The following ANGEL1 variants were observed in gnomAD, a reference collection of about 807,000 sequenced individuals.
ANGEL1 encodes angel homolog 1.
A neutral mutation model predicts 76.4 loss-of-function variants in ANGEL1; 62 were observed. That is an observed-to-expected ratio of 0.81 (90% CI 0.66 to 1.00). ANGEL1 has a LOEUF of 1.00. Among genes scored for constraint, ANGEL1 ranks in the 50% least tolerant of loss-of-function variants. The probability of loss-of-function intolerance (pLI) is 0.00; values close to 1 mark genes in which losing one functional copy is unlikely to be tolerated. For synonymous variants in ANGEL1, 340 were observed against 331.7 expected, an observed-to-expected ratio of 1.03 and a Z score of -0.27; for missense variants, 737 against 836.7, an observed-to-expected ratio of 0.88 and a Z score of 1.47.
rs1894818116 is a variant in ANGEL1 at position 76,803,284 on chromosome 14, T to C, written c.1618+87A>G. The C allele has an allele frequency of 4.6e-6, 5 of 1,088,506 alleles. No homozygotes were observed. In the East Asian group the frequency reaches 1.2e-4, roughly 26 times the overall value. The allele number at this position is 1,088,506 out of a possible 1,614,324, so 67.4% of individuals were successfully genotyped here. A position where few individuals can be genotyped will look rare whatever the true frequency, so the allele number is the denominator to read the frequency against. On this transcript the variant is annotated intron_variant, in intron 7 of 9. Transcript: ENST00000251089. ...AGAAGCTAATCTCTAAGAATTATAC[T>C]TAGAAAAGAGCAGGAAACCACATAA...
chr14:76,803,563 A>G, intron 6 of ANGEL1, 82 bp from the exon 7 acceptor site: 1 of 1,432,078 alleles, frequency 7.0e-7, no homozygotes, highest in Non-Finnish European at 9.8e-7. Context: ...AGCAACTTCC[A>G]GCATAGGTAC....
intron 5 of ANGEL1, chr14:76,804,217 C>T: frequency 2.8e-6 from 4 of 1,404,520 alleles, no homozygotes; most frequent in Non-Finnish European, 3.7e-6. Flanking sequence ...CAATACAATT[C>T]TCCTCCACAG....
At chr14:76,800,167 AT>A (rs1894719325) in intron 7 of ANGEL1, among the ~76,000 whole-genome samples, 1 of 152,266 alleles carries the variant, frequency 6.6e-6, no homozygotes, top group East Asian at 1.9e-4. Flanking sequence ...TTTTGTTACT[AT>A]TTATTTTATG....
Position 76,809,504 on chromosome 14 carries a change from C to T in ANGEL1, c.204G>A (p.Gly68=), listed in dbSNP as rs760941106. 5 of 1,614,264 alleles carry T rather than the reference C, an allele frequency of 3.1e-6. No individual in the cohort carries two copies. Among genetic ancestry groups the T allele is most frequent in the Non-Finnish European group, 4.2e-6 (5 of 1,180,050 alleles). ...EGLLQQWREE[G]LSQVLSTASE... ...TTGCAGTTGAGAGCACCTGGCTCAA[C>T]CCTTCTTCTCGCCACTGCTGCAGCA... The change falls in exon 2 of 10, where the codon GGG becomes GGA. Residue 68 remains glycine (G), a synonymous_variant. Coordinates refer to ENST00000251089, the MANE Select transcript of ANGEL1 (RefSeq NM_015305.4).
At chr14:76,805,012 A>AAAT (rs1894875075) in intron 5 of ANGEL1, among the ~76,000 whole-genome samples, 2 of 146,958 alleles carry the variant, frequency 1.4e-5, no homozygotes, top group Admixed American at 6.7e-5. Flanking sequence ...TCTGTCTCAA[A>AAAT]AAATAAATAA....
rs1489960299 is a variant in ANGEL1, at chr14:76,786,159, TTTC to T, written c.*3066_*3068del. On this transcript the variant is annotated 3_prime_UTR_variant, in exon 10 of 10. Coordinates refer to ENST00000251089, the MANE Select transcript of ANGEL1 (RefSeq NM_015305.4). ...CCTAGCTGAGTTTTCTTTCTTTTCT[TTTC>T]TTTTCTTTTTTTTTTTTTGAGATGG... is the stretch of plus-strand genomic sequence containing the variant. The T allele has an allele frequency of 4.0e-5, 6 of 148,460 alleles. No homozygotes were observed. Among genetic ancestry groups the T allele is most frequent in the Admixed American group, 3.4e-4 (5 of 14,902 alleles). The allele number at this position is 148,460 out of a possible 1,614,324, so 9.2% of individuals were successfully genotyped here. A position where few individuals can be genotyped will look rare whatever the true frequency, so the allele number is the denominator to read the frequency against.
At chr14:76,812,587 CGTGGG>C in intron 1 of ANGEL1, 172 bp downstream of exon 1, 1 of 1,274,440 alleles carries the variant, frequency 7.8e-7, no homozygotes, top group South Asian at 2.5e-5. Context: ...GTCCAGGCCT[CGTGGG>C]GTCAGGAGGG....
chr14:76,797,256 T>C (rs957452771), intron 7 of ANGEL1, among the ~76,000 whole-genome samples: 8 of 152,204 alleles, frequency 5.3e-5, no homozygotes, highest in African/African-American at 1.9e-4. Context: ...ATGTTAGTTG[T>C]AGGCTTGTTA....
In ANGEL1 at chr14:76,807,945, C is replaced by A; in HGVS notation, c.853G>T (p.Glu285Ter). 6.2e-7 allele frequency: 1 copy of A among 1,614,050 alleles called. No individual in the cohort carries two copies. The highest frequency in any genetic ancestry group is 8.5e-7 in the Non-Finnish European group (1 of 1,180,036). Residue 285 changes from glutamate (E) to a stop codon, truncating the protein, a stop_gained, in exon 3 of 10, where the codon GAA becomes TAA. Coordinates refer to ENST00000251089, the MANE Select transcript of ANGEL1 (RefSeq NM_015305.4). LOFTEE classifies it high-confidence loss of function. Reference protein sequence around the residue: ...WNYRFVNLMQEFQHWDPDILC... With the variant: ...WNYRFVNLMQ ...ACATCAGGGTCCCAGTGCTGGAATT[C>A]CTGCATGAGGTTCACGAAGCGATAG...
In ANGEL1 at chr14:76,791,328, C is replaced by T; in HGVS notation, c.1657G>A (p.Asp553Asn). The T allele has an allele frequency of 6.2e-7, 1 of 1,614,118 alleles. No homozygotes were observed. Among genetic ancestry groups the T allele is most frequent in the Non-Finnish European group, 8.5e-7 (1 of 1,180,006 alleles). Residue 553 changes from aspartate (D) to asparagine (N), a missense_variant, in exon 8 of 10, where the codon GAT (aspartate) becomes AAT (asparagine). By Grantham distance (23) the Asp-to-Asn change is conservative (BLOSUM62 1). Coordinates refer to ENST00000251089, the MANE Select transcript of ANGEL1 (RefSeq NM_015305.4). ...AAGGCAGGCTCAAGCTCCGATGCAT[C>T]TTCCTCAAGGACAGACTCAGCCCAA... is the stretch of plus-strand genomic sequence containing the variant. ...AGWAESVLEE[D>N]ASELEPAFSR...
At position 76,812,880 on chromosome 14, in the gene ANGEL1, C is replaced by T; in HGVS notation, c.-53G>A. The T allele has an allele frequency of 6.8e-7, 1 of 1,464,216 alleles. No individual in the cohort carries two copies. The highest frequency in any genetic ancestry group is 1.3e-5 in the South Asian group (1 of 74,954). The allele number at this position is 1,464,216 out of a possible 1,614,324, so 90.7% of individuals were successfully genotyped here. A position where few individuals can be genotyped will look rare whatever the true frequency, so the allele number is the denominator to read the frequency against. ...CCTCACTGCAGCCAGCAGGTCCTCC[C>T]TCAGCTCGGCCCCGCCCCCGGCCCG... On this transcript the variant is annotated 5_prime_UTR_variant, in exon 1 of 10. Coordinates refer to ENST00000251089, the MANE Select transcript of ANGEL1 (RefSeq NM_015305.4).
chr14:76,802,003 A>G (rs1488591306), intron 7 of ANGEL1, among the ~76,000 whole-genome samples: 1 of 151,680 alleles, frequency 6.6e-6, no homozygotes, highest in African/African-American at 2.4e-5. Context: ...ACTAAAATAC[A>G]AAAAAAGAAA....
At chr14:76,803,568 A>G (rs957669868) in intron 6 of ANGEL1, 87 bp from the exon 7 acceptor site, 187 of 1,383,804 alleles carry the variant, frequency 1.4e-4, no homozygotes, top group Non-Finnish European at 1.6e-4. Flanking sequence ...CTTCCAGCAT[A>G]GGTACACAGA....
intron 7 of ANGEL1, among the ~76,000 whole-genome samples, chr14:76,801,526 T>C (rs1453964070): frequency 1.3e-5 from 2 of 152,206 alleles, no homozygotes; most frequent in African/African-American, 4.8e-5. Flanking sequence ...TGTGTTATTA[T>C]ATTATAGGCT....
rs1205415543 is a variant in ANGEL1 at position 76,806,474 on chromosome 14, G to C, written c.1322C>G (p.Pro441Arg). The C allele has an allele frequency of 6.2e-7, 1 of 1,614,048 alleles. No homozygotes were observed. Among genetic ancestry groups the C allele is most frequent in the African/African-American group, 1.3e-5 (1 of 74,928 alleles). The change falls in exon 5 of 10, where the codon CCT (proline) becomes CGT (arginine). Residue 441 changes from proline to arginine, a missense_variant. Coordinates refer to ENST00000251089, the MANE Select transcript of ANGEL1 (RefSeq NM_015305.4). ...TCCATCCCTGATGAAGTTGTAGAGAGGTGAATCAGGGACAGAATTTAGGTC... is the reference window on the plus strand; with the variant it reads ...TCCATCCCTGATGAAGTTGTAGAGACGTGAATCAGGGACAGAATTTAGGTC... The part of the protein sequence containing the change: ...CGDLNSVPDS[P>R]LYNFIRDGEL...
intron 7 of ANGEL1, among the ~76,000 whole-genome samples, chr14:76,798,602 A>G (rs980032085): frequency 1.3e-5 from 2 of 152,316 alleles, no homozygotes; most frequent in Non-Finnish European, 1.5e-5. Flanking sequence ...AAATGCTGAC[A>G]ATGAGGGAGA....
At chr14:76,797,972 T>C (rs1292348359) in intron 7 of ANGEL1, among the ~76,000 whole-genome samples, 1 of 151,964 alleles carries the variant, frequency 6.6e-6, no homozygotes, top group African/African-American at 2.4e-5. Flanking sequence ...CCTTGGGAGG[T>C]GATTAGGTCA....
Position 76,806,494 on chromosome 14 carries a change from T to C in ANGEL1, c.1302A>G (p.Leu434=), listed in dbSNP as rs1224955027. Reference sequence around the variant, plus strand: ...AGAGAGGTGAATCAGGGACAGAATTTAGGTCCCCGCACAAGATGATGGGGC... The same window carrying C: ...AGAGAGGTGAATCAGGGACAGAATTCAGGTCCCCGCACAAGATGATGGGGC... ...SHCPIILCGD[L]NSVPDSPLYN... is the part of the protein sequence containing the mutation. Residue 434 remains leucine, a synonymous_variant, in exon 5 of 10, where the codon CTA becomes CTG. Transcript: ENST00000251089. 4 of 1,614,106 alleles carry C rather than the reference T, an allele frequency of 2.5e-6. No individual in the cohort carries two copies. The East Asian group carries it at 6.7e-5, about 27-fold the overall frequency.
chr14:76,803,668 A>C, intron 6 of ANGEL1, 118 bp downstream of exon 6: 13 of 1,464,778 alleles, frequency 8.9e-6, no homozygotes, highest in Non-Finnish European at 1.2e-5. Flanking sequence ...ATAGTGAGAA[A>C]ACAGAGGAAT....
Sources: gnomAD v4.1 joint callset for allele counts (sites outside exome capture counted in the v4.1 genomes callset) on GRCh38, gnomAD v4.1.1 for gene constraint, MANE v1.5 for transcripts, NCBI Gene and HGNC (gene_info 2026-07-23, HGNC 2026-07-21) for gene names.